ELL: variants seen among roughly 807,000 people sequenced by gnomAD.
The protein encoded by ELL is RNA polymerase II elongation factor ELL.
A neutral mutation model predicts 64.0 loss-of-function variants in ELL; 18 were observed. That is an observed-to-expected ratio of 0.28 (90% CI 0.19 to 0.42). ELL has a LOEUF of 0.42. Ranked by LOEUF, ELL falls within the 10% of genes least tolerant of loss-of-function variation. The probability of loss-of-function intolerance (pLI) is 1.00; values close to 1 mark genes in which losing one functional copy is unlikely to be tolerated. For synonymous variants in ELL, 399 were observed against 376.2 expected, an observed-to-expected ratio of 1.06 and a Z score of -0.70; for missense variants, 797 against 870.4, an observed-to-expected ratio of 0.92 and a Z score of 1.06.
Position 18,461,839 on chromosome 19 carries a change from C to T in ELL, c.483G>A (p.Gln161=). The T allele has an allele frequency of 6.2e-7, 1 of 1,612,478 alleles. No homozygotes were observed. The highest frequency in any genetic ancestry group is 8.5e-7 in the Non-Finnish European group (1 of 1,178,738). The change falls in exon 5 of 12, where the codon CAG becomes CAA. Residue 161 remains glutamine (Q), a synonymous_variant. Coordinates refer to ENST00000262809, the MANE Select transcript of ELL (RefSeq NM_006532.4). ...AGGRYLGKKV[Q]FRKPAPGATD... ...TTGCACCTGGGGCTGGTTTCCGAAA[C>T]TGAACCTTCTTGCCTGCAACAAGAA... is the stretch of plus-strand genomic sequence containing the variant.
intron 1 of ELL, among the ~76,000 whole-genome samples, chr19:18,490,898 G>A (rs1975515970): frequency 6.6e-6 from 1 of 152,028 alleles, no homozygotes. Flanking sequence ...TCTCTCCCCG[G>A]TCTCACACAT....
chr19:18,492,989 T>C (rs1975564093), intron 1 of ELL, among the ~76,000 whole-genome samples: 1 of 152,084 alleles, frequency 6.6e-6, no homozygotes, highest in Non-Finnish European at 1.5e-5. Context: ...TTTCATTTGC[T>C]TCCCACTCTC....
chr19:18,459,762 G>A (rs1175155701), intron 5 of ELL, among the ~76,000 whole-genome samples: 16 of 151,464 alleles, frequency 1.1e-4, no homozygotes, highest in Non-Finnish European at 2.2e-4. Context: ...TCCTGACCTC[G>A]TAATCCACTT....
intron 1 of ELL, chr19:18,476,065 CAG>C (rs1975169050): frequency 6.6e-6 from 1 of 152,652 alleles, no homozygotes; most frequent in Non-Finnish European, 1.5e-5. Context: ...CCACCCCACT[CAG>C]GGAGCCCCCA....
intron 1 of ELL, among the ~76,000 whole-genome samples, chr19:18,502,129 T>G (rs1431204508): frequency 6.6e-6 from 1 of 152,046 alleles, no homozygotes. Context: ...AGCTGCCTGG[T>G]GCCCCACAGC....
At position 18,521,985 on chromosome 19, in the gene ELL, G is replaced by C. The variant is rs761465970; in HGVS notation, c.71C>G (p.Ser24Trp). Residue 24 changes from serine to tryptophan, a missense_variant, in exon 1 of 12, where the codon TCG becomes TGG. Physicochemically the swap from Ser to Trp is radical, Grantham distance 177. Transcript: ENST00000262809. ...CGRVSDGSKV[S>W]VFHVKLTDSA... The stretch of plus-strand genomic sequence containing the variant: ...GTCGGTGAGCTTCACGTGGAACACC[G>C]ACACCTTGCTGCCGTCGCTAACCCG... 1.2e-6 allele frequency: 2 copies of C among 1,611,182 alleles called. No homozygotes were observed. Among genetic ancestry groups the C allele is most frequent in the Non-Finnish European group, 1.7e-6 (2 of 1,178,836 alleles).
At chr19:18,456,983 T>C (rs1008795663) in intron 6 of ELL, among the ~76,000 whole-genome samples, 1 of 148,638 alleles carries the variant, frequency 6.7e-6, no homozygotes, top group Non-Finnish European at 1.5e-5. Context: ...AAAACAGCTA[T>C]GCAGAGGGGC....
intron 1 of ELL, among the ~76,000 whole-genome samples, chr19:18,484,088 G>A (rs1975362002): frequency 6.6e-6 from 1 of 152,364 alleles, no homozygotes; most frequent in South Asian, 2.1e-4. Flanking sequence ...CACAGTGTCA[G>A]GCCCCTCTGT....
chr19:18,459,087 A>C (rs1301498963), intron 5 of ELL, among the ~76,000 whole-genome samples: 1 of 151,982 alleles, frequency 6.6e-6, no homozygotes, highest in Non-Finnish European at 1.5e-5. Flanking sequence ...AGTATTTTGC[A>C]TAGGCTGGTC....
rs547462781 is a variant in ELL at position 18,446,563 on chromosome 19, C to A, written c.1533-83G>T. ...GAAGTGGCCATCCTGGCTCCACCGG[C>A]GGCCTGGCCTCTCGGGTGATTCCCT... On this transcript the variant is annotated intron_variant, in intron 9 of 11. Coordinates refer to ENST00000262809, the MANE Select transcript of ELL (RefSeq NM_006532.4). 349 of 1,543,616 alleles carry A rather than the reference C, an allele frequency of 2.3e-4. 3 individuals carry two copies. The South Asian group carries it at 3.2e-3, about 14-fold the overall frequency.
chr19:18,465,022 G>A (rs982286526), intron 4 of ELL, among the ~76,000 whole-genome samples: 6 of 152,168 alleles, frequency 3.9e-5, no homozygotes, highest in Non-Finnish European at 1.5e-5. Flanking sequence ...GACAGACATG[G>A]GCCTTGCCCT....
intron 10 of ELL, chr19:18,445,542 G>A (rs1357448418): frequency 2.7e-6 from 1 of 372,272 alleles, no homozygotes; most frequent in Admixed American, 3.7e-5. Context: ...TGTCGTGGGG[G>A]GGTGGGGAGG....
chr19:18,487,440 A>G (rs571088969), intron 1 of ELL, among the ~76,000 whole-genome samples: 1 of 152,370 alleles, frequency 6.6e-6, no homozygotes, highest in South Asian at 2.1e-4. Flanking sequence ...TTGAGTGCTT[A>G]GGATGCGCAC....
At chr19:18,451,189 G>A (rs1974525882) in intron 7 of ELL, among the ~76,000 whole-genome samples, 2 of 152,228 alleles carry the variant, frequency 1.3e-5, no homozygotes, top group African/African-American at 4.8e-5. Flanking sequence ...GGGGAGGGCA[G>A]GGCCCAGTGT....
At chr19:18,476,038 A>C (rs914590797) in intron 1 of ELL, 2 of 152,584 alleles carry the variant, frequency 1.3e-5, no homozygotes, top group Admixed American at 6.5e-5. Context: ...GGAAGCACCA[A>C]GGCAGAATGG....
At chr19:18,448,804 AG>A (rs1252242626) in intron 8 of ELL, 2 of 152,152 alleles carry the variant, frequency 1.3e-5, no homozygotes, top group Admixed American at 1.3e-4. Context: ...CTCCTACTCA[AG>A]CTCTGGCTGT....
intron 1 of ELL, among the ~76,000 whole-genome samples, chr19:18,494,576 A>T (rs1600486641): frequency 1.3e-5 from 2 of 152,078 alleles, no homozygotes; most frequent in African/African-American, 4.8e-5. Context: ...CTTTTAGTAG[A>T]GACAGGGTTT....
chr19:18,506,961 G>A (rs546294099), intron 1 of ELL, among the ~76,000 whole-genome samples: 8 of 152,174 alleles, frequency 5.3e-5, no homozygotes, highest in East Asian at 3.9e-4. Flanking sequence ...AGATGGAAGC[G>A]ATTCCTACAT....
intron 1 of ELL, among the ~76,000 whole-genome samples, chr19:18,494,511 C>G (rs760112647): frequency 3.9e-5 from 6 of 152,100 alleles, no homozygotes; most frequent in Non-Finnish European, 8.8e-5. Flanking sequence ...CTGTCACAGC[C>G]TCCCAAGTAG....
Sources: allele counts gnomAD v4.1 joint callset (sites outside exome capture counted in the v4.1 genomes callset), GRCh38; gene constraint gnomAD v4.1.1; transcripts MANE v1.5; gene names NCBI Gene and HGNC (gene_info 2026-07-23, HGNC 2026-07-21).